The following RASA3 variants were observed in gnomAD, a reference collection of about 807,000 sequenced individuals.
RASA3 encodes the protein RAS p21 protein activator 3.
RASA3 carries 73 observed loss-of-function variants against 110.0 expected under a neutral mutation model. The ratio of observed to expected loss-of-function variants is 0.66; its 90% CI spans 0.55 to 0.81. RASA3 has a LOEUF of 0.81. Among genes scored for constraint, RASA3 ranks in the 30% least tolerant of loss-of-function variants. RASA3 has a pLI of 0.00. For missense variants in RASA3, 976 were observed against 1,113.2 expected (o/e 0.88, Z 1.75); for synonymous variants, 500 against 451.4 (o/e 1.11, Z -1.37).
In RASA3 at chr13:114,027,923, C is replaced by A; in HGVS notation, c.454G>T (p.Val152Phe). The stretch of plus-strand genomic sequence containing the variant: ...ACGATGGGGAGGCCCTGGCACTCGA[C>A]GATGCTGAGGAGAGAAGCAGAGGCG... ...VVCHKLATRIVECQGLPIVNG... is the reference protein window; with the variant it reads ...VVCHKLATRIFECQGLPIVNG... Residue 152 changes from valine (V) to phenylalanine (F), a missense_variant, in exon 6 of 24, where the codon GTC (valine) becomes TTC (phenylalanine). This residue lies in a region of RASA3 where 732 missense variants were observed against 779.7 expected (regional missense o/e 0.94). Coordinates refer to ENST00000334062, the MANE Select transcript of RASA3 (RefSeq NM_007368.4). 1 of 1,613,082 alleles carries A rather than the reference C, an allele frequency of 6.2e-7. No homozygotes were observed. The highest frequency in any genetic ancestry group is 8.5e-7 in the Non-Finnish European group (1 of 1,179,406).
intron 1 of RASA3, among the ~76,000 whole-genome samples, chr13:114,129,770 G>A (rs1312171891): frequency 6.6e-6 from 1 of 152,294 alleles, no homozygotes; most frequent in African/African-American, 2.4e-5. Context: ...TTTTGCAAAC[G>A]GAAAAATGAG....
rs2079259933 is a variant in RASA3, at chr13:114,057,196, A to G, written c.174-5041T>C. ...TAATGTTTTTCTTCTTATTTCATAT[A>G]ACTTTTTAAACTTAAAGTAATAAAG... On this transcript the variant is annotated intron_variant, in intron 2 of 23. Coordinates refer to ENST00000334062, the MANE Select transcript of RASA3 (RefSeq NM_007368.4). The surrounding 1 kb of genome is among the most constrained non-coding windows in gnomAD (Gnocchi z 5.0). The G allele has an allele frequency of 1.0e-6, 1 of 983,892 alleles. No homozygotes were observed. The highest frequency in any genetic ancestry group is 1.2e-6 in the Non-Finnish European group (1 of 828,516). The allele number at this position is 983,892 out of a possible 1,614,324, so 60.9% of individuals were successfully genotyped here.
At chr13:113,983,224 G>C in intron 22 of RASA3, among the ~76,000 whole-genome samples, 1 of 126,872 alleles carries the variant, frequency 7.9e-6, no homozygotes, top group Non-Finnish European at 1.7e-5. Context: ...TGAACAGAAT[G>C]GTGGCATGAG....
intron 9 of RASA3, 70 bp downstream of exon 9, chr13:114,021,334 C>T: frequency 7.2e-7 from 1 of 1,393,198 alleles, no homozygotes. Flanking sequence ...TGTGCCTTTC[C>T]ACTCAGAGGC....
At chr13:114,109,783 A>C (rs1355583595) in intron 1 of RASA3, among the ~76,000 whole-genome samples, 1 of 152,120 alleles carries the variant, frequency 6.6e-6, no homozygotes, top group East Asian at 1.9e-4. Flanking sequence ...AGACGTCACC[A>C]GAGGCGGGGC....
At chr13:113,990,938 G>A (rs9590527) in intron 22 of RASA3, among the ~76,000 whole-genome samples, 4,405 of 147,304 alleles carry the variant, frequency 0.03, 440 homozygotes, top group African/African-American at 0.11. Context: ...CCCAGGGCAT[G>A]TGGGGCTGGA....
rs558084187 is a variant in RASA3 at position 113,979,815 on chromosome 13, C to A, written c.2430-393G>T. On this transcript the variant is annotated intron_variant, in intron 23 of 23. Transcript: ENST00000334062. ...TCCCAGTGCTGGGACACTCAGCAGG[C>A]GTGGGCACCTCCTCCCCACATGCAC... Among the ~76,000 whole-genome samples the A allele has an allele frequency of 1.4e-3, 210 of 152,234 alleles. 1 individual carries two copies. Among genetic ancestry groups the A allele is most frequent in the Non-Finnish European group, 6.0e-4 (41 of 67,972 alleles).
intron 1 of RASA3, chr13:114,077,729 C>G: frequency 1.1e-6 from 1 of 895,054 alleles, no homozygotes. Context: ...TCCCTCCCTG[C>G]CCGATGATGC....
In RASA3 at chr13:114,067,079, A is replaced by G. The variant is rs549882296; in HGVS notation, c.173+6641T>C. ...GACCTGGGCTGAGGACAGGCCCCCC[A>G]ACCTGGGCTGAGGATGGGCCCCCCA... On this transcript the variant is annotated intron_variant, in intron 2 of 23. Transcript: ENST00000334062. 1.8e-3 allele frequency among the ~76,000 whole-genome samples: 250 copies of G among 135,154 alleles called. 2 individuals are homozygous for G. Among genetic ancestry groups the G allele is most frequent in the South Asian group, 2.5e-3 (10 of 3,998 alleles). The allele number at this position is 135,154 out of a possible 152,430, so 88.7% of individuals were successfully genotyped here.
intron 1 of RASA3, among the ~76,000 whole-genome samples, chr13:114,090,408 T>A (rs907293671): frequency 6.6e-6 from 1 of 152,250 alleles, no homozygotes; most frequent in Non-Finnish European, 1.5e-5. Context: ...GGCAACAGTT[T>A]TGAGACAGTT....
At chr13:114,036,927 T>C (rs931403248) in intron 4 of RASA3, among the ~76,000 whole-genome samples, 2 of 152,196 alleles carry the variant, frequency 1.3e-5, no homozygotes, top group African/African-American at 4.8e-5. Flanking sequence ...GCTGACTGCA[T>C]CAGTGAAGCA....
At chr13:113,990,987 G>A (rs1169075996) in intron 22 of RASA3, among the ~76,000 whole-genome samples, 3 of 149,544 alleles carry the variant, frequency 2.0e-5, no homozygotes, top group Non-Finnish European at 4.5e-5. Flanking sequence ...GCAGCTGCAC[G>A]GACACCCAGG....
Position 114,082,199 on chromosome 13 carries a change from T to C in RASA3, c.56-8362A>G, listed in dbSNP as rs549781146. Among the ~76,000 whole-genome samples the C allele has an allele frequency of 2.1e-3, 320 of 152,324 alleles. 3 individuals are homozygous for C. The highest frequency in any genetic ancestry group is 2.9e-3 in the Non-Finnish European group (197 of 68,034). The stretch of plus-strand genomic sequence containing the variant: ...CCCACTCACCGGGGAGCTGCGGGTC[T>C]CACAGGGGCAGGCAGGAGGCCAGAG... On this transcript the variant is annotated intron_variant, in intron 1 of 23. Coordinates refer to ENST00000334062, the MANE Select transcript of RASA3 (RefSeq NM_007368.4).
In RASA3 at chr13:114,011,161, A is replaced by G; in HGVS notation, c.1590+10T>C. Reference sequence around the variant, plus strand: ...TCCCTAAAAAGAGAAAATGAAGAAGAGGGACTCACAGATTTGGACTTGGAC... The same window carrying G: ...TCCCTAAAAAGAGAAAATGAAGAAGGGGGACTCACAGATTTGGACTTGGAC... On this transcript the variant is annotated intron_variant, in intron 16 of 23. Coordinates refer to ENST00000334062, the MANE Select transcript of RASA3 (RefSeq NM_007368.4). This position sits in a 1 kb window ranked among gnomAD's most constrained non-coding sequence, Gnocchi z 4.8. 1.3e-6 allele frequency: 2 copies of G among 1,598,088 alleles called. No individual in the cohort carries two copies. Among genetic ancestry groups the G allele is most frequent in the Non-Finnish European group, 1.7e-6 (2 of 1,166,484 alleles).
chr13:114,079,270 G>A (rs1231289759), intron 1 of RASA3, among the ~76,000 whole-genome samples: 1 of 152,160 alleles, frequency 6.6e-6, no homozygotes, highest in Non-Finnish European at 1.5e-5. Context: ...CTCAACTACA[G>A]GTCGGCCTCA....
At chr13:114,058,083 G>A (rs938112764) in intron 2 of RASA3, among the ~76,000 whole-genome samples, 1 of 152,184 alleles carries the variant, frequency 6.6e-6, no homozygotes, top group Non-Finnish European at 1.5e-5. Context: ...GCCAGAACCA[G>A]CCGAGTGAAG....
At position 114,041,108 on chromosome 13, in the gene RASA3, A is replaced by T. The variant is rs747489384; in HGVS notation, c.278-14T>A. 1.9e-6 allele frequency: 3 copies of T among 1,612,264 alleles called. No homozygotes were observed. The highest frequency in any genetic ancestry group is 2.5e-6 in the Non-Finnish European group (3 of 1,178,772). On this transcript the variant is annotated splice_polypyrimidine_tract_variant and intron_variant, in intron 3 of 23. Transcript: ENST00000334062. ...TGGCCACCTTCCCTGCAACACAAGC[A>T]GAGAAGACTTCACCACGGGCACAGG...
intron 1 of RASA3, among the ~76,000 whole-genome samples, chr13:114,082,463 C>G (rs1256862420): frequency 6.6e-6 from 1 of 152,218 alleles, no homozygotes; most frequent in Non-Finnish European, 1.5e-5. Flanking sequence ...TCTTCCTGAT[C>G]ACGGACAGTG....
At chr13:114,082,177 A>G (rs1056770685) in intron 1 of RASA3, among the ~76,000 whole-genome samples, 1 of 152,160 alleles carries the variant, frequency 6.6e-6, no homozygotes, top group East Asian at 1.9e-4. Flanking sequence ...TCCTCGCCCC[A>G]CTCACCGGGG....
Sources: allele counts gnomAD v4.1 joint callset (sites outside exome capture counted in the v4.1 genomes callset), GRCh38; gene constraint gnomAD v4.1.1; regional missense constraint gnomAD v4.1.1; non-coding constraint Gnocchi (gnomAD v3.1); transcripts MANE v1.5; gene names NCBI Gene and HGNC (gene_info 2026-07-23, HGNC 2026-07-21).